Variants in AGMO observed in about 807,000 individuals in gnomAD.
AGMO encodes the protein alkylglycerol monooxygenase.
AGMO carries 75 observed loss-of-function variants against 60.2 expected under a neutral mutation model. The observed-to-expected ratio is 1.25, with a 90% CI of 1.03 to 1.51. The LOEUF (loss-of-function observed/expected upper bound fraction) is 1.51. Ranked by LOEUF, AGMO falls within the 40% of genes most tolerant of loss-of-function variation. The pLI, the probability that AGMO is intolerant of heterozygous loss-of-function variation, is 0.00. For missense variants in AGMO, 763 were observed against 525.5 expected (o/e 1.45, Z -4.42); for synonymous variants, 261 against 177.1 (o/e 1.47, Z -3.76).
At chr7:15,503,110 TTTC>T (rs1437047262) in intron 3 of AGMO, among the ~76,000 whole-genome samples, 1 of 152,088 alleles carries the variant, frequency 6.6e-6, no homozygotes, top group Non-Finnish European at 1.5e-5. Flanking sequence ...ATTCATTTTT[TTTC>T]AATTCATGTA....
intron 3 of AGMO, among the ~76,000 whole-genome samples, chr7:15,472,317 T>TCATTGAGTAGAAAGAATAATTGA (rs1782470628): frequency 2.0e-5 from 3 of 151,910 alleles, no homozygotes; most frequent in Admixed American, 2.0e-4. Context: ...AAAAATATGT[T>TCATTGAGTAGAAAGAATAATTGA]CAAAAAGCTG....
intron 12 of AGMO, among the ~76,000 whole-genome samples, chr7:15,265,875 T>G (rs575301048): frequency 6.6e-6 from 1 of 151,952 alleles, no homozygotes; most frequent in African/African-American, 2.4e-5. Context: ...AAACATGGAG[T>G]CAGTGTATGT....
intron 3 of AGMO, among the ~76,000 whole-genome samples, chr7:15,448,065 G>T (rs1268411791): frequency 6.6e-6 from 1 of 152,164 alleles, no homozygotes; most frequent in Non-Finnish European, 1.5e-5. Context: ...AGTGTGTAGG[G>T]ATTTGACTTT....
chr7:15,448,207 G>A (rs10215727), intron 3 of AGMO, among the ~76,000 whole-genome samples: 3,973 of 152,242 alleles, frequency 0.026, 147 homozygotes, highest in African/African-American at 0.082. Flanking sequence ...AGAGGTGATC[G>A]TATTTGCAGA....
intron 3 of AGMO, among the ~76,000 whole-genome samples, chr7:15,477,938 G>A (rs1782640349): frequency 6.6e-6 from 1 of 152,058 alleles, no homozygotes; most frequent in South Asian, 2.1e-4. Context: ...GTTGAATTTT[G>A]GGTCACATGG....
At position 15,235,019 on chromosome 7, in the gene AGMO, G is replaced by A. The variant is rs547353978; in HGVS notation, c.1264-33660C>T. Among the ~76,000 whole-genome samples, 28 of 152,040 alleles carry A rather than the reference G, an allele frequency of 1.8e-4. No homozygotes were observed. In the South Asian group the frequency reaches 4.4e-3, roughly 24 times the overall value. The stretch of plus-strand genomic sequence containing the variant: ...TATGCTAAGATACTTGCAGTTCTCT[G>A]AGCATATCATACCATTTGCTGAAAA... On this transcript the variant is annotated intron_variant, in intron 12 of 12. Coordinates refer to ENST00000342526, the MANE Select transcript of AGMO (RefSeq NM_001004320.2).
At chr7:15,361,546 A>AAAAAAAAAAAAAAAGAAAAG (rs60239009) in intron 12 of AGMO, among the ~76,000 whole-genome samples, 1 of 91,408 alleles carries the variant, frequency 1.1e-5, no homozygotes, top group African/African-American at 4.3e-5. Flanking sequence ...TCTCAAAAAA[A>AAAAAAAAAAAAAAAGAAAAG]AAAAAAAAGG....
chr7:15,206,021 G>C (rs552017033), intron 12 of AGMO, among the ~76,000 whole-genome samples: 6 of 152,018 alleles, frequency 3.9e-5, no homozygotes, highest in Admixed American at 1.3e-4. Flanking sequence ...GTAATCCTTT[G>C]TTAAATACAC....
intron 10 of AGMO, among the ~76,000 whole-genome samples, chr7:15,381,670 G>C (rs772171174): frequency 2.0e-5 from 3 of 152,036 alleles, no homozygotes; most frequent in Non-Finnish European, 2.9e-5. Context: ...CCCATTACTA[G>C]GTATACATAC....
chr7:15,148,138 C>T, the AGMO span, among the ~76,000 whole-genome samples: 3 of 151,704 alleles, frequency 2.0e-5, no homozygotes, highest in East Asian at 3.9e-4. Flanking sequence ...TGTTTTACTA[C>T]TCCTTTTTAT....
chr7:15,306,563 T>C (rs1185616184), intron 12 of AGMO: 6 of 379,450 alleles, frequency 1.6e-5, no homozygotes, highest in Non-Finnish European at 3.0e-5. Context: ...TAACAGAATA[T>C]GACTGTGTAA....
intron 12 of AGMO, among the ~76,000 whole-genome samples, chr7:15,315,068 T>G (rs541615874): frequency 6.6e-6 from 1 of 152,240 alleles, no homozygotes; most frequent in Non-Finnish European, 1.5e-5. Flanking sequence ...GGAACTGGAT[T>G]CAGCCAACAG....
At chr7:15,527,676 A>C (rs1049486494) in intron 3 of AGMO, among the ~76,000 whole-genome samples, 1 of 152,196 alleles carries the variant, frequency 6.6e-6, no homozygotes, top group African/African-American at 2.4e-5. Context: ...AAGAAGATGC[A>C]ATCTACAATT....
At chr7:15,146,515 AT>A in the AGMO span, among the ~76,000 whole-genome samples, 400 of 144,612 alleles carry the variant, frequency 2.8e-3, no homozygotes, top group Non-Finnish European at 2.9e-3. Flanking sequence ...GCAATCAGCT[AT>A]TTTTTTTTTT....
the AGMO span, among the ~76,000 whole-genome samples, chr7:15,159,266 G>C: frequency 1.3e-5 from 2 of 152,130 alleles, no homozygotes; most frequent in African/African-American, 4.8e-5. Flanking sequence ...ACCTATTTAT[G>C]ATGAGGCAAA....
At chr7:15,230,448 T>A (rs531368930) in intron 12 of AGMO, among the ~76,000 whole-genome samples, 1 of 152,258 alleles carries the variant, frequency 6.6e-6, no homozygotes, top group African/African-American at 2.4e-5. Context: ...GGGACCTATG[T>A]CAGGGACCTG....
the AGMO span, among the ~76,000 whole-genome samples, chr7:15,171,114 T>C: frequency 6.6e-6 from 1 of 152,092 alleles, no homozygotes; most frequent in Admixed American, 6.5e-5. Flanking sequence ...CCCGAGTAGC[T>C]GGGACTGCAG....
intron 12 of AGMO, among the ~76,000 whole-genome samples, chr7:15,359,907 C>T (rs35568009): frequency 6.6e-6 from 1 of 152,114 alleles, no homozygotes; most frequent in African/African-American, 2.4e-5. Flanking sequence ...ATTTTTAATA[C>T]TCAGAGAAAC....
At chr7:15,338,927 G>T (rs1781746619) in intron 12 of AGMO, among the ~76,000 whole-genome samples, 1 of 152,138 alleles carries the variant, frequency 6.6e-6, no homozygotes. Context: ...AAGGTTGGTT[G>T]GCAAGTGGGG....
Sources: allele counts gnomAD v4.1 joint callset (sites outside exome capture counted in the v4.1 genomes callset), GRCh38; gene constraint gnomAD v4.1.1; transcripts MANE v1.5; gene names NCBI Gene and HGNC (gene_info 2026-07-23, HGNC 2026-07-21).